The following DNAH10 variants were observed in gnomAD, a reference collection of about 807,000 sequenced individuals.
DNAH10 encodes axonemal beta dynein heavy chain 10.
DNAH10 carries 348 observed loss-of-function variants against 506.6 expected under a neutral mutation model. That is an observed-to-expected ratio of 0.69 (90% CI 0.63 to 0.75). The LOEUF is 0.75. DNAH10 is among the 30% of genes least tolerant of loss of function. The pLI is 0.00. For synonymous variants in DNAH10, 2,059 were observed against 2,198.6 expected, an observed-to-expected ratio of 0.94 and a Z score of 1.78; for missense variants, 5,179 against 5,787.1, an observed-to-expected ratio of 0.89 and a Z score of 3.41.
At position 123,913,024 on chromosome 12, in the gene DNAH10, C is replaced by T. The variant is rs929665208; in HGVS notation, c.10135-74C>T. ...CATTAGAGCAGTTTAGACATGTGGCCTGGTTTGAGGCCATGGGATCGCGGC... is the reference window on the plus strand; with the variant it reads ...CATTAGAGCAGTTTAGACATGTGGCTTGGTTTGAGGCCATGGGATCGCGGC... On this transcript the variant is annotated intron_variant, in intron 59 of 78. Coordinates refer to ENST00000673944, the MANE Select transcript of DNAH10 (RefSeq NM_001372106.1). This position sits in a 1 kb window ranked among gnomAD's most constrained non-coding sequence, Gnocchi z 5.1. 48 of 1,424,444 alleles carry T rather than the reference C, an allele frequency of 3.4e-5. No homozygotes were observed. The highest frequency in any genetic ancestry group is 2.1e-5 in the Admixed American group (1 of 47,544). 88.2% of individuals were successfully genotyped at this position (1,424,444 alleles called of 1,614,324 possible). A position where few individuals can be genotyped will look rare whatever the true frequency, so the allele number is the denominator to read the frequency against.
intron 43 of DNAH10, among the ~76,000 whole-genome samples, chr12:123,868,766 T>A (rs1038523018): frequency 6.6e-6 from 1 of 152,222 alleles, no homozygotes; most frequent in African/African-American, 2.4e-5. Flanking sequence ...CCTTACCTGG[T>A]GGTCTTTTTA....
intron 10 of DNAH10, 139 bp downstream of exon 10, chr12:123,788,141 G>A (rs1325529920): frequency 1.1e-5 from 11 of 996,704 alleles, no homozygotes; most frequent in African/African-American, 4.9e-5. Context: ...AAGAACCTAC[G>A]GAATATACTA....
intron 11 of DNAH10, among the ~76,000 whole-genome samples, chr12:123,791,473 T>C (rs1958077813): frequency 6.6e-6 from 1 of 152,260 alleles, no homozygotes; most frequent in South Asian, 2.1e-4. Context: ...ACAGTTCTAC[T>C]TGGTTATATA....
chr12:123,851,112 A>G, intron 35 of DNAH10, 36 bp downstream of exon 35: 1 of 1,541,642 alleles, frequency 6.5e-7, no homozygotes, highest in Non-Finnish European at 8.7e-7. Flanking sequence ...CGTGCAGTGC[A>G]GACTTCACCC....
chr12:123,878,994 T>TA (rs1248489028), intron 48 of DNAH10, among the ~76,000 whole-genome samples: 1 of 152,214 alleles, frequency 6.6e-6, no homozygotes, highest in African/African-American at 2.4e-5. Flanking sequence ...GTCAGGTACT[T>TA]ATTTTACGTC....
intron 6 of DNAH10, among the ~76,000 whole-genome samples, chr12:123,782,329 GCCTCCCCTCCCCTCC>G (rs781152624): frequency 6.3e-5 from 4 of 63,632 alleles, no homozygotes; most frequent in South Asian, 6.7e-4. Flanking sequence ...GCCCTGCCCT[GCCTCCCCTCCCCTCC>G]CCTCCCCTCC....
At chr12:123,867,003 AC>A (rs1332101852) in intron 41 of DNAH10, among the ~76,000 whole-genome samples, 2 of 152,216 alleles carry the variant, frequency 1.3e-5, no homozygotes, top group Non-Finnish European at 2.9e-5. Context: ...AAAGAGCAGA[AC>A]AAAGGAAGAA....
At chr12:123,819,759 C>T (rs1236142202) in intron 23 of DNAH10, among the ~76,000 whole-genome samples, 1 of 138,124 alleles carries the variant, frequency 7.2e-6, no homozygotes, top group Non-Finnish European at 1.5e-5. Flanking sequence ...GACTGGAGTG[C>T]AGTGGCACAA....
chr12:123,899,792 G>C (rs1185619533), intron 56 of DNAH10, among the ~76,000 whole-genome samples: 1 of 152,206 alleles, frequency 6.6e-6, no homozygotes, highest in Admixed American at 6.5e-5. Context: ...TAGTTTATGT[G>C]TTTCAGCATC....
At chr12:123,912,451 G>T (rs1351717559) in intron 59 of DNAH10, among the ~76,000 whole-genome samples, 1 of 71,038 alleles carries the variant, frequency 1.4e-5, no homozygotes, top group Non-Finnish European at 2.5e-5. Context: ...TGTCCTGGGG[G>T]GTCTGTCCTG....
At chr12:123,812,148 C>T (rs575583555) in intron 19 of DNAH10, among the ~76,000 whole-genome samples, 7 of 152,146 alleles carry the variant, frequency 4.6e-5, no homozygotes, top group South Asian at 4.1e-4. Flanking sequence ...TTATGACTCA[C>T]GCTTGATTAA....
At chr12:123,834,555 G>A (rs983970477) in intron 27 of DNAH10, among the ~76,000 whole-genome samples, 20 of 152,140 alleles carry the variant, frequency 1.3e-4, no homozygotes, top group African/African-American at 4.3e-4. Flanking sequence ...TAAAACTAGT[G>A]ATTGTAAAGT....
At position 123,818,381 on chromosome 12, in the gene DNAH10, T is replaced by C. The variant is rs190015005; in HGVS notation, c.3781-569T>C. 1.1e-3 allele frequency among the ~76,000 whole-genome samples: 164 copies of C among 152,304 alleles called. 1 individual carries two copies. Among genetic ancestry groups the C allele is most frequent in the African/African-American group, 3.1e-3 (128 of 41,578 alleles). ...CTCTGTCACCGAGGTTGGAGTGCAG[T>C]GGTGTGATCTCGACTCACTGCAACC... On this transcript the variant is annotated intron_variant, in intron 21 of 78. Transcript: ENST00000673944.
At chr12:123,914,249 A>C (rs774138464) in intron 60 of DNAH10, 80 bp from the exon 61 acceptor site, 11 of 1,330,894 alleles carry the variant, frequency 8.3e-6, no homozygotes, top group Non-Finnish European at 1.2e-5. Context: ...GCAAGGTATC[A>C]AGCTGGTTCT....
chr12:123,797,372 G>A (rs191640906), intron 13 of DNAH10, among the ~76,000 whole-genome samples: 1,833 of 142,814 alleles, frequency 0.013, 14 homozygotes, highest in South Asian at 0.04. Flanking sequence ...TGCCTTTTGC[G>A]TTCCTTCTTT....
chr12:123,860,888 C>A, intron 38 of DNAH10, 124 bp from the exon 39 acceptor site: 1 of 1,257,758 alleles, frequency 8.0e-7, no homozygotes, highest in Non-Finnish European at 1.1e-6. Context: ...GAAGAGTTTG[C>A]ATGGGTTGCA....
At chr12:123,859,707 G>A (rs141179735) in intron 38 of DNAH10, among the ~76,000 whole-genome samples, 6 of 152,162 alleles carry the variant, frequency 3.9e-5, no homozygotes, top group African/African-American at 1.4e-4. Context: ...AATTCTTCAC[G>A]AAGGAAAAAG....
chr12:123,826,483 T>C (rs2092920457), intron 24 of DNAH10, among the ~76,000 whole-genome samples: 1 of 152,260 alleles, frequency 6.6e-6, no homozygotes, highest in Non-Finnish European at 1.5e-5. Context: ...GCATTATTTT[T>C]GCAAAAGCTT....
Position 123,870,405 on chromosome 12 carries a change from A to G in DNAH10, c.7559A>G (p.Lys2520Arg), listed in dbSNP as rs754643810. The G allele has an allele frequency of 6.8e-6, 11 of 1,613,982 alleles. No individual in the cohort carries two copies. Among genetic ancestry groups the G allele is most frequent in the Non-Finnish European group, 9.3e-6 (11 of 1,179,890 alleles). The change falls in exon 44 of 79, where the codon AAA becomes AGA. Residue 2520 changes from lysine (K) to arginine (R), a missense_variant. Coordinates refer to ENST00000673944, the MANE Select transcript of DNAH10 (RefSeq NM_001372106.1). ...TTGTATGACTTTCATTTTGATAACA[A>G]ACGGAATCAATGGGTCCCATGGAGT... ...PTLYDFHFDN[K>R]RNQWVPWSKL...
Sources: gnomAD v4.1 joint callset for allele counts (sites outside exome capture counted in the v4.1 genomes callset) on GRCh38, gnomAD v4.1.1 for gene constraint, Gnocchi (gnomAD v3.1) non-coding constraint, MANE v1.5 for transcripts, NCBI Gene and HGNC (gene_info 2026-07-23, HGNC 2026-07-21) for gene names.